Variants in ANO2 observed in about 807,000 individuals in gnomAD.
The protein encoded by ANO2 is anoctamin-2.
Under a neutral mutation model 124.2 loss-of-function variants are expected in ANO2, and 101 were observed. The observed-to-expected ratio is 0.81, with a 90% CI of 0.69 to 0.96. The LOEUF (loss-of-function observed/expected upper bound fraction) is 0.96, where lower values mean the gene tolerates loss of function less well. Ranked by LOEUF, ANO2 falls within the 40% of genes least tolerant of loss-of-function variation. The probability of loss-of-function intolerance (pLI) is 0.00; values close to 1 mark genes in which losing one functional copy is unlikely to be tolerated. For missense variants in ANO2, 1,293 were observed against 1,274.5 expected, an observed-to-expected ratio of 1.01 and a Z score of -0.22; for synonymous variants, 486 against 482.5, an observed-to-expected ratio of 1.01 and a Z score of -0.09.
chr12:5,776,075 C>G (rs1952225146), intron 10 of ANO2, among the ~76,000 whole-genome samples: 1 of 152,184 alleles, frequency 6.6e-6, no homozygotes, highest in Non-Finnish European at 1.5e-5. Context: ...ACCAATCAGT[C>G]CTTCCTCAGA....
chr12:5,645,229 T>C (rs1946570718), intron 15 of ANO2, among the ~76,000 whole-genome samples: 1 of 152,212 alleles, frequency 6.6e-6, no homozygotes, highest in Non-Finnish European at 1.5e-5. Flanking sequence ...CCAGCCTGTA[T>C]TGCAGTTTAC....
intron 1 of ANO2, among the ~76,000 whole-genome samples, chr12:5,943,380 C>T (rs1942972034): frequency 6.6e-6 from 1 of 151,378 alleles, no homozygotes; most frequent in Admixed American, 6.6e-5. Flanking sequence ...GAGCTAGAGG[C>T]CATTATTGTA....
At chr12:5,755,935 T>C (rs1382222081) in intron 10 of ANO2, among the ~76,000 whole-genome samples, 1 of 152,186 alleles carries the variant, frequency 6.6e-6, no homozygotes, top group African/African-American at 2.4e-5. Flanking sequence ...ATTCCCTTAA[T>C]AAGCTTTCTT....
chr12:5,695,876 T>C (rs971006836), intron 14 of ANO2, among the ~76,000 whole-genome samples: 2 of 152,038 alleles, frequency 1.3e-5, no homozygotes, highest in Non-Finnish European at 2.9e-5. Context: ...AAATAACCCA[T>C]AGAATAAAGA....
chr12:5,645,285 T>C (rs929387523), intron 15 of ANO2, among the ~76,000 whole-genome samples: 2 of 152,152 alleles, frequency 1.3e-5, no homozygotes, highest in Non-Finnish European at 2.9e-5. Context: ...AGTCTATCCA[T>C]GGTTGAGGCA....
intron 10 of ANO2, among the ~76,000 whole-genome samples, 169 bp downstream of exon 10, chr12:5,799,338 T>C (rs933747652): frequency 6.6e-6 from 1 of 152,196 alleles, no homozygotes; most frequent in African/African-American, 2.4e-5. Flanking sequence ...GTCCCTCCCA[T>C]GTCCCCAGCT....
intron 19 of ANO2, among the ~76,000 whole-genome samples, chr12:5,609,629 G>C (rs777877558): frequency 2.0e-4 from 31 of 152,176 alleles, no homozygotes; most frequent in Non-Finnish European, 3.7e-4. Flanking sequence ...ACATGGAATG[G>C]GGGATTGGGA....
chr12:5,902,473 C>G (rs534468272), intron 3 of ANO2, among the ~76,000 whole-genome samples: 1 of 148,194 alleles, frequency 6.7e-6, no homozygotes, highest in South Asian at 2.2e-4. Flanking sequence ...GCCTATAGTT[C>G]CAGCTACCCA....
intron 7 of ANO2, among the ~76,000 whole-genome samples, chr12:5,826,103 C>G (rs907740465): frequency 1.2e-4 from 18 of 152,158 alleles, no homozygotes; most frequent in African/African-American, 4.1e-4. Context: ...TATCAAGTGA[C>G]ATAAGATTTA....
intron 11 of ANO2, among the ~76,000 whole-genome samples, chr12:5,747,525 T>C (rs1302911618): frequency 2.0e-5 from 3 of 152,190 alleles, no homozygotes. Flanking sequence ...TATTTACACC[T>C]TCCTGACTTG....
At chr12:5,843,098 T>C (rs1481320346) in intron 4 of ANO2, among the ~76,000 whole-genome samples, 1 of 152,170 alleles carries the variant, frequency 6.6e-6, no homozygotes, top group Non-Finnish European at 1.5e-5. Flanking sequence ...AGACCCCACC[T>C]ATAGCCAACC....
chr12:5,737,520 G>C (rs962709352), intron 13 of ANO2, among the ~76,000 whole-genome samples: 1 of 152,346 alleles, frequency 6.6e-6, no homozygotes, highest in East Asian at 1.9e-4. Flanking sequence ...ACAGCAAGAC[G>C]TGAGGGCTTC....
At chr12:5,736,339 A>G (rs565324979) in intron 13 of ANO2, among the ~76,000 whole-genome samples, 2 of 152,242 alleles carry the variant, frequency 1.3e-5, no homozygotes, top group African/African-American at 4.8e-5. Context: ...CCCAGGTGGG[A>G]GGACTAGAGG....
chr12:5,783,462 G>A (rs189729695), intron 10 of ANO2, among the ~76,000 whole-genome samples: 12 of 152,290 alleles, frequency 7.9e-5, no homozygotes, highest in Admixed American at 5.2e-4. Flanking sequence ...CTAGGGGAAC[G>A]GGGAACAGAA....
intron 11 of ANO2, among the ~76,000 whole-genome samples, chr12:5,745,037 T>C (rs574835662): frequency 2.0e-5 from 3 of 152,358 alleles, no homozygotes; most frequent in African/African-American, 7.2e-5. Flanking sequence ...ATGAACCAAA[T>C]AATCTCTAAT....
At chr12:5,607,625 A>T (rs899877651) in intron 19 of ANO2, among the ~76,000 whole-genome samples, 1 of 152,052 alleles carries the variant, frequency 6.6e-6, no homozygotes, top group Non-Finnish European at 1.5e-5. Flanking sequence ...TGAGTGAGTG[A>T]AGCTTCATCT....
rs565712727 is a variant in ANO2, at chr12:5,787,565, G to A, written c.1055+11942C>T. 4.6e-5 allele frequency among the ~76,000 whole-genome samples: 7 copies of A among 152,308 alleles called. No individual in the cohort carries two copies. Among genetic ancestry groups the A allele is most frequent in the Admixed American group, 1.3e-4 (2 of 15,300 alleles). On this transcript the variant is annotated intron_variant, in intron 10 of 24. Coordinates refer to ENST00000682330, the MANE Select transcript of ANO2 (RefSeq NM_001364791.2). This position sits in a 1 kb window ranked among gnomAD's most constrained non-coding sequence, Gnocchi z 4.2. Reference sequence around the variant, plus strand: ...ATTTCCTCTTCTGTATAATGAGGATGATAGTATCGATCTCGACGGGGTGTT... The same window carrying A: ...ATTTCCTCTTCTGTATAATGAGGATAATAGTATCGATCTCGACGGGGTGTT...
At chr12:5,616,906 A>G (rs952842440) in intron 16 of ANO2, among the ~76,000 whole-genome samples, 7 of 150,296 alleles carry the variant, frequency 4.7e-5, no homozygotes, top group African/African-American at 1.7e-4. Context: ...TCCAATTCAC[A>G]CCATACCAAA....
intron 14 of ANO2, among the ~76,000 whole-genome samples, chr12:5,676,054 C>T (rs887272365): frequency 2.6e-5 from 4 of 152,300 alleles, no homozygotes; most frequent in African/African-American, 7.2e-5. Flanking sequence ...CACTTTGTTC[C>T]CCTTCCTCAT....
Sources: gnomAD v4.1 joint callset for allele counts (sites outside exome capture counted in the v4.1 genomes callset) on GRCh38, gnomAD v4.1.1 for gene constraint, Gnocchi (gnomAD v3.1) non-coding constraint, MANE v1.5 for transcripts, NCBI Gene and HGNC (gene_info 2026-07-23, HGNC 2026-07-21) for gene names.